Variants in TNRC6C observed in about 807,000 individuals in gnomAD.
TNRC6C encodes the protein trinucleotide repeat-containing gene 6C protein.
A neutral mutation model predicts 153.7 loss-of-function variants in TNRC6C; 20 were observed. The observed-to-expected ratio is 0.13, with a 90% CI of 0.09 to 0.19. TNRC6C has a LOEUF of 0.19. TNRC6C is among the 10% of genes least tolerant of loss of function. The pLI is 1.00. For synonymous variants in TNRC6C, 811 were observed against 841.4 expected, an observed-to-expected ratio of 0.96 and a Z score of 0.63; for missense variants, 1,987 against 2,172.0, an observed-to-expected ratio of 0.91 and a Z score of 1.69.
intron 2 of TNRC6C, among the ~76,000 whole-genome samples, chr17:78,042,992 G>A (rs2072331295): frequency 6.6e-6 from 1 of 152,148 alleles, no homozygotes; most frequent in African/African-American, 2.4e-5. Context: ...CTTCAAAAAA[G>A]AGCTTATAAG....
rs371818857 is a variant in TNRC6C at position 78,098,556 on chromosome 17, G to T, written c.4501+19G>T. 6.2e-7 allele frequency: 1 copy of T among 1,605,260 alleles called. No individual in the cohort carries two copies. Among genetic ancestry groups the T allele is most frequent in the South Asian group, 1.1e-5 (1 of 90,106 alleles). On this transcript the variant is annotated intron_variant, in intron 17 of 19. Transcript: ENST00000301624. Reference sequence around the variant, plus strand: ...TCCTCGGGTAAGCTCCATGCTCCTCGTGTTCCGATGGGGGCCTTACCCTTT... The same window carrying T: ...TCCTCGGGTAAGCTCCATGCTCCTCTTGTTCCGATGGGGGCCTTACCCTTT...
chr17:78,002,783 C>T (rs1239519422), upstream of TNRC6C, among the ~76,000 whole-genome samples: 1 of 152,178 alleles, frequency 6.6e-6, no homozygotes, highest in Non-Finnish European at 1.5e-5. Context: ...AATCAGTCCC[C>T]ACCTCCCTCC....
intron 1 of TNRC6C, among the ~76,000 whole-genome samples, chr17:77,967,505 T>C (rs977995131): frequency 6.6e-6 from 1 of 152,148 alleles, no homozygotes; most frequent in Non-Finnish European, 1.5e-5. Flanking sequence ...TACGTGGGGC[T>C]GTATCTGCAG....
chr17:78,004,847 A>T (rs1360134437), upstream of TNRC6C, among the ~76,000 whole-genome samples: 1 of 152,078 alleles, frequency 6.6e-6, no homozygotes, highest in Non-Finnish European at 1.5e-5. Flanking sequence ...TCCAGATAGA[A>T]TTTTTTGCCT....
chr17:78,030,447 G>A (rs1487641343), intron 1 of TNRC6C, among the ~76,000 whole-genome samples: 1 of 151,996 alleles, frequency 6.6e-6, no homozygotes, highest in Non-Finnish European at 1.5e-5. Context: ...TGACTGGCAG[G>A]ATGGTAGGTT....
At chr17:78,048,712 A>G in intron 2 of TNRC6C, 133 bp from the exon 5 acceptor site, 6 of 889,242 alleles carry the variant, frequency 6.7e-6, no homozygotes, top group Non-Finnish European at 8.9e-6. Flanking sequence ...TTTTTCTTTA[A>G]GTCATTTTTT....
In TNRC6C at chr17:78,075,907, T is replaced by TA. The variant is rs200649984; in HGVS notation, c.3060+639dup. ...AAAATTGAAGTAAGGAAGGACACAT[T>TA]AAAAAAAAAAGATCAACAATGGAAG... is the stretch of plus-strand genomic sequence containing the variant. On this transcript the variant is annotated intron_variant, in intron 8 of 19. Transcript: ENST00000301624. This position sits in a 1 kb window ranked among gnomAD's most constrained non-coding sequence, Gnocchi z 4.2. Among the ~76,000 whole-genome samples, 221 of 147,500 alleles carry TA rather than the reference T, an allele frequency of 1.5e-3. 1 individual carries two copies. The highest frequency in any genetic ancestry group is 5.8e-3 in the South Asian group (27 of 4,640).
intron 17 of TNRC6C, among the ~76,000 whole-genome samples, chr17:78,099,414 C>T (rs983019467): frequency 1.3e-5 from 2 of 152,208 alleles, no homozygotes; most frequent in Non-Finnish European, 2.9e-5. Flanking sequence ...ATTGGACTTA[C>T]AGTTCCATGT....
chr17:78,102,106 A>G (rs1364137133), intron 17 of TNRC6C, among the ~76,000 whole-genome samples: 1 of 152,168 alleles, frequency 6.6e-6, no homozygotes, highest in East Asian at 1.9e-4. Context: ...AACCAGAAGA[A>G]CCTGGGAGCA....
chr17:77,975,217 C>T (rs976266539), intron 1 of TNRC6C, among the ~76,000 whole-genome samples: 4 of 151,774 alleles, frequency 2.6e-5, no homozygotes, highest in African/African-American at 7.3e-5. Context: ...GAATCAAATA[C>T]GTTATTACCT....
chr17:78,049,071 A>G lies in TNRC6C; in HGVS notation c.9A>G (p.Thr3=). The change falls in exon 3 of 20, where the codon ACA becomes ACG. Residue 3 remains threonine (T), a synonymous_variant. Transcript: ENST00000301624. This position sits in a 1 kb window ranked among gnomAD's most constrained non-coding sequence, Gnocchi z 4.1. ...GCTCAGAGAACAGTAGCATGGCTAC[A>G]GGGAGTGCCCAGGGCAACTTCACTG... 1 of 1,540,046 alleles carries G rather than the reference A, an allele frequency of 6.5e-7. No individual in the cohort carries two copies. Among genetic ancestry groups the G allele is most frequent in the Non-Finnish European group, 8.8e-7 (1 of 1,141,838 alleles).
intron 1 of TNRC6C, among the ~76,000 whole-genome samples, chr17:78,007,505 G>T (rs944918687): frequency 6.6e-6 from 1 of 152,178 alleles, no homozygotes; most frequent in African/African-American, 2.4e-5. Flanking sequence ...CTGTACCTAT[G>T]ATACATGTTA....
exon 2 of TNRC6C, chr17:78,031,586 C>T: frequency 2.4e-6 from 3 of 1,232,400 alleles, no homozygotes; most frequent in Middle Eastern, 3.1e-4. Flanking sequence ...CTTCCACCAG[C>T]ACTATCTCAA....
exon 9 of TNRC6C, chr17:78,077,291 T>C (rs934597356): frequency 3.2e-6 from 5 of 1,587,044 alleles, no homozygotes; most frequent in African/African-American, 2.7e-5. Context: ...CTGGGTGGGA[T>C]TGCCTCCGGG....
chr17:78,091,584 T>C, exon 14 of TNRC6C: 1 of 1,573,600 alleles, frequency 6.4e-7, no homozygotes, highest in African/African-American at 1.4e-5. Context: ...GCTTCCCCCC[T>C]GGAGCAGAAC....
At chr17:78,094,719 C>T (rs575367156) in intron 16 of TNRC6C, among the ~76,000 whole-genome samples, 19 of 152,314 alleles carry the variant, frequency 1.2e-4, no homozygotes, top group African/African-American at 4.6e-4. Context: ...GGATTACAGG[C>T]GTGAGCCAGT....
rs763821383 is a variant in TNRC6C at position 78,075,094 on chromosome 17, C to T, written c.2918-42C>T. The T allele has an allele frequency of 6.2e-7, 1 of 1,604,346 alleles. No homozygotes were observed. Among genetic ancestry groups the T allele is most frequent in the Non-Finnish European group, 8.5e-7 (1 of 1,175,036 alleles). ...GTGCCTATCTTGTGCTCAGCACTCACTTGTTTTGTTTACAACATTGCTTCT... is the reference window on the plus strand; with the variant it reads ...GTGCCTATCTTGTGCTCAGCACTCATTTGTTTTGTTTACAACATTGCTTCT... On this transcript the variant is annotated intron_variant, in intron 7 of 19. Coordinates refer to ENST00000301624, the Ensembl canonical transcript of TNRC6C. This position sits in a 1 kb window ranked among gnomAD's most constrained non-coding sequence, Gnocchi z 4.2.
At chr17:77,971,788 TTAAG>T (rs1025728873) in intron 1 of TNRC6C, among the ~76,000 whole-genome samples, 6 of 151,188 alleles carry the variant, frequency 4.0e-5, no homozygotes, top group African/African-American at 1.5e-4. Context: ...CCATCAGAAA[TTAAG>T]TAAGAGATTT....
intron 1 of TNRC6C, among the ~76,000 whole-genome samples, chr17:77,979,309 A>G (rs112118287): frequency 1.4e-4 from 22 of 152,366 alleles, no homozygotes; most frequent in East Asian, 7.7e-4. Flanking sequence ...GGATATCCCA[A>G]TTACACTGAT....
Sources: gnomAD v4.1 joint callset for allele counts (sites outside exome capture counted in the v4.1 genomes callset) on GRCh38, gnomAD v4.1.1 for gene constraint, Gnocchi (gnomAD v3.1) non-coding constraint, MANE v1.5 for transcripts, NCBI Gene and HGNC (gene_info 2026-07-23, HGNC 2026-07-21) for gene names.